Variants in LIN7B observed in about 807,000 individuals in gnomAD.
LIN7B encodes the protein protein lin-7 homolog B.
LIN7B carries 16 observed loss-of-function variants against 27.9 expected under a neutral mutation model. The observed-to-expected ratio is 0.57, with a 90% CI of 0.39 to 0.87. The LOEUF is 0.87. Ranked by LOEUF, LIN7B falls within the 40% of genes least tolerant of loss-of-function variation. The pLI is 0.00. For synonymous variants in LIN7B, 147 were observed against 120.8 expected (o/e 1.22, Z -1.42); for missense variants, 291 against 288.5 (o/e 1.01, Z -0.06).
Position 49,116,406 on chromosome 19 carries a change from AG to A in LIN7B, c.377del (p.Gly126ValfsTer18), listed in dbSNP as rs752767864. On this transcript the variant is annotated frameshift_variant, in exon 4 of 6. Transcript: ENST00000221459. LOFTEE classifies it high-confidence loss of function. The stretch of plus-strand genomic sequence containing the variant: ...CCATCTACATCTCCCGGGTCATCCC[AG>A]GGGGTGTGGCTGACCGCCATGGAGG... The part of the protein sequence containing the change: ...SPIYISRVIP[G>X]GVADRHGGLK... 4 of 1,614,200 alleles carry A rather than the reference AG, an allele frequency of 2.5e-6. No homozygotes were observed. Among genetic ancestry groups the A allele is most frequent in the East Asian group, 4.5e-5 (2 of 44,890 alleles).
At position 49,118,428 on chromosome 19, in the gene LIN7B, C is replaced by A. The variant is rs1225036619; in HGVS notation, c.*55C>A. The A allele has an allele frequency of 5.6e-6, 9 of 1,601,036 alleles. No homozygotes were observed. The highest frequency in any genetic ancestry group is 5.0e-5 in the Admixed American group (3 of 59,950). On this transcript the variant is annotated 3_prime_UTR_variant, in exon 6 of 6. Coordinates refer to ENST00000221459, the MANE Select transcript of LIN7B (RefSeq NM_022165.3). ...CTCTTCCTGTACAGTATTTATTGTT[C>A]CTGGCACTTTATTTAAAGATATTTG...
chr19:49,117,813 G>A (rs745901739), intron 4 of LIN7B, 42 bp from the exon 5 acceptor site: 3 of 1,574,022 alleles, frequency 1.9e-6, no homozygotes, highest in Admixed American at 1.7e-5. Flanking sequence ...CTGGACGAGG[G>A]CAGCGGGCCC....
At chr19:49,115,117 G>C in intron 2 of LIN7B, 143 bp from the exon 3 acceptor site, 1 of 911,652 alleles carries the variant, frequency 1.1e-6, no homozygotes, top group Non-Finnish European at 1.6e-6. Flanking sequence ...GGGGTTCTTC[G>C]GGAGTTGTAG....
rs768322447 is a variant in LIN7B, at chr19:49,116,467, G to A, written c.433G>A (p.Gly145Ser). 2.3e-5 allele frequency: 37 copies of A among 1,613,586 alleles called. No homozygotes were observed. In the East Asian group the frequency reaches 5.1e-4, roughly 22 times the overall value. ...KRGDQLLSVNGVSVEGEQHEK... is the reference protein window; with the variant it reads ...KRGDQLLSVNSVSVEGEQHEK... ...TGGGGATCAACTGTTGTCGGTGAAC[G>A]GTGTGGTGAGTGGAGGGCTGAGGCA... The change falls in exon 4 of 6, where the codon GGT becomes AGT. Residue 145 changes from glycine (G) to serine (S), a missense_variant. By Grantham distance (56) the Gly-to-Ser change is moderately conservative. Coordinates refer to ENST00000221459, the MANE Select transcript of LIN7B (RefSeq NM_022165.3).
Position 49,118,300 on chromosome 19 carries a change from T to C in LIN7B, c.603-52T>C, listed in dbSNP as rs1018548324. On this transcript the variant is annotated intron_variant, in intron 5 of 5. Coordinates refer to ENST00000221459, the MANE Select transcript of LIN7B (RefSeq NM_022165.3). ...TCTGCAACCCCAGTCCTGCCCCTCT[T>C]GTCTACCCGGAGCCTCCCTGATCCC... 1.9e-6 allele frequency: 3 copies of C among 1,604,926 alleles called. No homozygotes were observed. In the African/African-American group the frequency reaches 4.0e-5, roughly 21 times the overall value.
Position 49,118,009 on chromosome 19 carries a change from AGAGCTACTCGT to A in LIN7B, c.598_602+6del. On this transcript the variant is annotated splice_donor_variant and coding_sequence_variant, in exon 5 of 6. Coordinates refer to ENST00000221459, the MANE Select transcript of LIN7B (RefSeq NM_022165.3). LOFTEE classifies it high-confidence loss of function. ...TCTGCCCGCCGGCGCCAACAGCATC[AGAGCTACTCGT>A]GAGCCCCTGGGTCACCACACCCCTG... is the stretch of plus-strand genomic sequence containing the variant. 6.2e-7 allele frequency: 1 copy of A among 1,613,962 alleles called. No homozygotes were observed. Among genetic ancestry groups the A allele is most frequent in the Non-Finnish European group, 8.5e-7 (1 of 1,179,944 alleles).
chr19:49,116,170 G>A (rs2122459019), intron 3 of LIN7B, 93 bp from the exon 4 acceptor site: 1 of 1,068,334 alleles, frequency 9.4e-7, no homozygotes, highest in Non-Finnish European at 1.4e-6. Flanking sequence ...TAGTAACCCA[G>A]GCTAAATCGC....
chr19:49,115,609 C>G (rs1053302970), intron 3 of LIN7B: 1 of 336,130 alleles, frequency 3.0e-6, no homozygotes, highest in Non-Finnish European at 5.5e-6. Context: ...TGACCTCTCA[C>G]TGCACAATAG....
intron 5 of LIN7B, 101 bp from the exon 6 acceptor site, chr19:49,118,251 A>G (rs745975827): frequency 1.1e-5 from 16 of 1,419,328 alleles, no homozygotes; most frequent in Non-Finnish European, 1.6e-5. Flanking sequence ...GGGATCCCTC[A>G]GCCCACTTAC....
At chr19:49,117,258 AAAAAAC>A (rs1193132645) in intron 4 of LIN7B, among the ~76,000 whole-genome samples, 84 of 146,314 alleles carry the variant, frequency 5.7e-4, no homozygotes, top group Non-Finnish European at 1.1e-3. Context: ...AAAAAAAAAA[AAAAAAC>A]AAAACTCACT....
intron 5 of LIN7B, 28 bp downstream of exon 5, chr19:49,118,046 G>C (rs767651970): frequency 6.2e-7 from 1 of 1,611,292 alleles, no homozygotes; most frequent in African/African-American, 1.3e-5. Context: ...CACACCCCTG[G>C]GGCCTCCACG....
rs781155238 is a variant in LIN7B at position 49,118,425 on chromosome 19, G to T, written c.*52G>T. ...ACTCTCTTCCTGTACAGTATTTATT[G>T]TTCCTGGCACTTTATTTAAAGATAT... is the stretch of plus-strand genomic sequence containing the variant. On this transcript the variant is annotated 3_prime_UTR_variant, in exon 6 of 6. Transcript: ENST00000221459. 1 of 1,603,982 alleles carries T rather than the reference G, an allele frequency of 6.2e-7. No homozygotes were observed. The highest frequency in any genetic ancestry group is 1.3e-5 in the African/African-American group (1 of 74,696).
chr19:49,115,200 C>G, intron 2 of LIN7B, 60 bp from the exon 3 acceptor site: 1 of 1,466,556 alleles, frequency 6.8e-7, no homozygotes, highest in Non-Finnish European at 9.3e-7. Flanking sequence ...GAGGCCTGAA[C>G]TCCTGCGTCT....
intron 1 of LIN7B, 97 bp from the exon 2 acceptor site, chr19:49,114,752 G>C (rs2040795984): frequency 1.5e-6 from 1 of 683,498 alleles, no homozygotes; most frequent in Admixed American, 4.1e-5. Flanking sequence ...GTCCTCCCCG[G>C]ACTGTGCGCT....
chr19:49,116,197 C>A, intron 3 of LIN7B, 66 bp from the exon 4 acceptor site: 3 of 1,436,396 alleles, frequency 2.1e-6, no homozygotes, highest in Non-Finnish European at 2.9e-6. Context: ...CGGTCCACAT[C>A]CCCCACCCCA....
intron 4 of LIN7B, among the ~76,000 whole-genome samples, chr19:49,116,911 C>G (rs567161925): frequency 4.6e-5 from 7 of 152,034 alleles, no homozygotes; most frequent in Middle Eastern, 6.3e-3. Flanking sequence ...AAAGAAAGGG[C>G]TTAGTTCTGA....
chr19:49,118,214 T>C (rs1470197970), intron 5 of LIN7B, 138 bp from the exon 6 acceptor site: 2 of 1,321,212 alleles, frequency 1.5e-6, no homozygotes, highest in Non-Finnish European at 2.1e-6. Flanking sequence ...CTTCCTTCCA[T>C]CCCAAGATAC....
rs1256318523 is a variant in LIN7B at position 49,117,245 on chromosome 19, C to CAA, written c.439-593_439-592dup. On this transcript the variant is annotated intron_variant, in intron 4 of 5. Coordinates refer to ENST00000221459, the MANE Select transcript of LIN7B (RefSeq NM_022165.3). ...TGGGTGACAGAGTGAGACTCCCTCT[C>CAA]AAAAAAAAAAAAAAAAAACAAAACT... Among the ~76,000 whole-genome samples, 73 of 36,146 alleles carry CAA rather than the reference C, an allele frequency of 2.0e-3. 6 individuals carry two copies. Among genetic ancestry groups the CAA allele is most frequent in the African/African-American group, 3.4e-3 (33 of 9,768 alleles). The allele number at this position is 36,146 out of a possible 152,430, so 23.7% of individuals were successfully genotyped here. A position where few individuals can be genotyped will look rare whatever the true frequency, so the allele number is the denominator to read the frequency against.
chr19:49,114,929 C>A lies in LIN7B; in HGVS notation c.118C>A (p.Arg40=). The A allele has an allele frequency of 1.4e-6, 2 of 1,466,844 alleles. No individual in the cohort carries two copies. Among genetic ancestry groups the A allele is most frequent in the Non-Finnish European group, 1.8e-6 (2 of 1,110,260 alleles). The allele number at this position is 1,466,844 out of a possible 1,614,324, so 90.9% of individuals were successfully genotyped here. A position where few individuals can be genotyped will look rare whatever the true frequency, so the allele number is the denominator to read the frequency against. ...GCCGCAGAAGCTGCAGGCCCTCCAG[C>A]GAGTTCTGCAGAGCCGCTTCTGCTC... ...LPPQKLQALQ[R]VLQSRFCSAI... The change falls in exon 2 of 6, where the codon CGA becomes AGA. Residue 40 remains arginine, a synonymous_variant. Coordinates refer to ENST00000221459, the MANE Select transcript of LIN7B (RefSeq NM_022165.3).
Sources: allele counts gnomAD v4.1 joint callset (sites outside exome capture counted in the v4.1 genomes callset), GRCh38; gene constraint gnomAD v4.1.1; transcripts MANE v1.5; gene names NCBI Gene and HGNC (gene_info 2026-07-23, HGNC 2026-07-21).